LRP1B: variants seen among roughly 807,000 people sequenced by gnomAD.
LRP1B encodes the protein LDL receptor related protein 1B.
A neutral mutation model predicts 556.6 loss-of-function variants in LRP1B; 217 were observed. The ratio of observed to expected loss-of-function variants is 0.39; its 90% CI spans 0.35 to 0.44. The LOEUF is 0.44. Among genes scored for constraint, LRP1B ranks in the 20% least tolerant of loss-of-function variants. The pLI, the probability that LRP1B is intolerant of heterozygous loss-of-function variation, is 1.00. For synonymous variants in LRP1B, 2,047 were observed against 1,865.8 expected, an observed-to-expected ratio of 1.10 and a Z score of -2.50; for missense variants, 5,053 against 5,620.8, an observed-to-expected ratio of 0.90 and a Z score of 3.23.
chr2:141,431,639 A>C (rs1680566315), intron 3 of LRP1B, among the ~76,000 whole-genome samples: 1 of 152,124 alleles, frequency 6.6e-6, no homozygotes, highest in African/African-American at 2.4e-5. Flanking sequence ...CATTTCTCTA[A>C]GTTTTCTTTA....
At chr2:140,657,067 G>A (rs1216605623) in intron 41 of LRP1B, among the ~76,000 whole-genome samples, 1 of 151,920 alleles carries the variant, frequency 6.6e-6, no homozygotes, top group Non-Finnish European at 1.5e-5. Flanking sequence ...ACCTCAAAAT[G>A]ATTTTATCCT....
chr2:140,329,853 A>G (rs1480004277), intron 79 of LRP1B, among the ~76,000 whole-genome samples: 1 of 151,764 alleles, frequency 6.6e-6, no homozygotes, highest in Non-Finnish European at 1.5e-5. Context: ...TATTCCTGTT[A>G]AACTACCATT....
chr2:140,279,937 G>C lies in LRP1B; in HGVS notation c.12968-5339C>G, dbSNP rs1275537537. The stretch of plus-strand genomic sequence containing the variant: ...AAAAGATAGATACATATTTTCTTAA[G>C]TAAAATGTATTGATATTTTACTAAT... On this transcript the variant is annotated intron_variant, in intron 84 of 90. Coordinates refer to ENST00000389484, the MANE Select transcript of LRP1B (RefSeq NM_018557.3). Among the ~76,000 whole-genome samples, 4 of 151,762 alleles carry C rather than the reference G, an allele frequency of 2.6e-5. No individual in the cohort carries two copies. In the Admixed American group the frequency reaches 2.6e-4, roughly 10 times the overall value.
chr2:140,241,159 C>A (rs1355989601), intron 87 of LRP1B, among the ~76,000 whole-genome samples: 3 of 150,758 alleles, frequency 2.0e-5, no homozygotes, highest in Non-Finnish European at 3.0e-5. Context: ...ATATTACCTC[C>A]TTTGTTTTGG....
rs2105189684 is a variant in LRP1B, at chr2:140,598,815, C to G, written c.7010G>C (p.Trp2337Ser). Reference protein sequence around the residue: ...ECQNLMFWTNWNEQHPSIMRS... With the variant: ...ECQNLMFWTNSNEQHPSIMRS... ...CATGATACTTGGATGTTGTTCATTC[C>G]AGTTGGTCCAAAACATTAAACTAAT... The change falls in exon 43 of 91, where the codon TGG (tryptophan) becomes TCG (serine). Residue 2337 changes from tryptophan to serine, a missense_variant. Physicochemically the swap from Trp to Ser is radical, Grantham distance 177. This residue lies in a region of LRP1B where 3,619 missense variants were observed against 3,931.9 expected (regional missense o/e 0.92). Transcript: ENST00000389484. 1 of 1,606,782 alleles carries G rather than the reference C, an allele frequency of 6.2e-7. No homozygotes were observed. Among genetic ancestry groups the G allele is most frequent in the Non-Finnish European group, 8.5e-7 (1 of 1,173,674 alleles).
intron 11 of LRP1B, among the ~76,000 whole-genome samples, chr2:141,033,583 A>G (rs1280190549): frequency 2.6e-5 from 4 of 152,020 alleles, no homozygotes; most frequent in Non-Finnish European, 4.4e-5. Context: ...TTAGCTCCCA[A>G]TGGTCTGGTA....
In LRP1B at chr2:141,386,065, C is replaced by T. The variant is rs541835543; in HGVS notation, c.343+94331G>A. On this transcript the variant is annotated intron_variant, in intron 3 of 90. Coordinates refer to ENST00000389484, the MANE Select transcript of LRP1B (RefSeq NM_018557.3). ...ACATGGATGGCTAAGATAGTGACAGCTTTGTTTTCTGATGGTTCAATGTAT... is the reference window on the plus strand; with the variant it reads ...ACATGGATGGCTAAGATAGTGACAGTTTTGTTTTCTGATGGTTCAATGTAT... 7.9e-5 allele frequency among the ~76,000 whole-genome samples: 12 copies of T among 152,172 alleles called. 1 individual carries two copies. The South Asian group carries it at 2.5e-3, about 32-fold the overall frequency.
intron 35 of LRP1B, among the ~76,000 whole-genome samples, chr2:140,748,777 TGTATATA>T: frequency 1.6e-5 from 1 of 63,616 alleles, no homozygotes; most frequent in African/African-American, 4.7e-5. Flanking sequence ...GTATATAATA[TGTATATA>T]ATATATATTA....
chr2:141,006,340 T>A (rs899244078), intron 14 of LRP1B, among the ~76,000 whole-genome samples: 1 of 152,164 alleles, frequency 6.6e-6, no homozygotes, highest in South Asian at 2.1e-4. Flanking sequence ...CATCGTTAAC[T>A]ATAATCATCC....
intron 2 of LRP1B, among the ~76,000 whole-genome samples, chr2:141,769,781 C>G (rs1694839050): frequency 8.1e-6 from 1 of 122,964 alleles, no homozygotes; most frequent in Non-Finnish European, 1.8e-5. Flanking sequence ...GAGATGCTGT[C>G]TTTCAGCCTC....
intron 35 of LRP1B, among the ~76,000 whole-genome samples, chr2:140,748,444 A>T (rs1254070765): frequency 8.9e-6 from 1 of 111,924 alleles, no homozygotes; most frequent in Non-Finnish European, 1.8e-5. Context: ...TATATATATT[A>T]TATATATATA....
chr2:141,666,529 C>T (rs780189955), intron 2 of LRP1B, among the ~76,000 whole-genome samples: 6 of 152,192 alleles, frequency 3.9e-5, no homozygotes, highest in Non-Finnish European at 8.8e-5. Flanking sequence ...CACATTACCT[C>T]TTCTTTTAAT....
chr2:140,387,556 A>G (rs1683813113), intron 66 of LRP1B, among the ~76,000 whole-genome samples: 1 of 151,150 alleles, frequency 6.6e-6, no homozygotes, highest in African/African-American at 2.4e-5. Flanking sequence ...TTCTTATGAT[A>G]GATTTCAAAT....
chr2:141,454,806 G>T (rs1476443141), intron 3 of LRP1B, among the ~76,000 whole-genome samples: 1 of 152,092 alleles, frequency 6.6e-6, no homozygotes, highest in East Asian at 1.9e-4. Flanking sequence ...GAGGAATAGT[G>T]CTACTCTGAG....
chr2:141,094,718 T>G (rs1467563515), intron 7 of LRP1B, among the ~76,000 whole-genome samples: 1 of 152,184 alleles, frequency 6.6e-6, no homozygotes, highest in African/African-American at 2.4e-5. Context: ...AGGAAGAACT[T>G]CATTACAATA....
intron 1 of LRP1B, among the ~76,000 whole-genome samples, chr2:142,072,527 C>T (rs377211344): frequency 9.2e-5 from 14 of 151,982 alleles, no homozygotes; most frequent in African/African-American, 2.9e-4. Flanking sequence ...ACATGTGGCC[C>T]AGGAGAGATT....
intron 32 of LRP1B, among the ~76,000 whole-genome samples, chr2:140,803,883 C>CA (rs1054512625): frequency 1.5e-5 from 2 of 136,630 alleles, no homozygotes; most frequent in East Asian, 2.1e-4. Flanking sequence ...CCAACCCCCC[C>CA]AAAAAAAAGA....
intron 3 of LRP1B, among the ~76,000 whole-genome samples, chr2:141,276,191 C>A (rs1259110865): frequency 6.6e-6 from 1 of 152,118 alleles, no homozygotes; most frequent in Non-Finnish European, 1.5e-5. Flanking sequence ...ATATTTAATT[C>A]TCTCAACCTG....
chr2:140,979,347 A>T (rs956855747), intron 18 of LRP1B, among the ~76,000 whole-genome samples: 7 of 152,124 alleles, frequency 4.6e-5, no homozygotes, highest in Non-Finnish European at 8.8e-5. Context: ...ATTATTTTTT[A>T]AAAAAATAAT....
Sources: gnomAD v4.1 joint callset for allele counts (sites outside exome capture counted in the v4.1 genomes callset) on GRCh38, gnomAD v4.1.1 for gene constraint, gnomAD v4.1.1 regional missense constraint, MANE v1.5 for transcripts, NCBI Gene and HGNC (gene_info 2026-07-23, HGNC 2026-07-21) for gene names.